Variants in CGNL1 observed in about 807,000 individuals in gnomAD.
The protein encoded by CGNL1 is cingulin like 1, also known as cingulin-like protein 1.
In CGNL1, 132 loss-of-function variants were observed where a neutral mutation model predicts 141.2. The ratio of observed to expected loss-of-function variants is 0.93; its 90% CI spans 0.81 to 1.08. The LOEUF (loss-of-function observed/expected upper bound fraction) is 1.08. Ranked by LOEUF, CGNL1 falls within the 50% of genes least tolerant of loss-of-function variation. The pLI, the probability that CGNL1 is intolerant of heterozygous loss-of-function variation, is 0.00. For synonymous variants in CGNL1, 690 were observed against 622.1 expected (o/e 1.11, Z -1.63); for missense variants, 1,870 against 1,588.6 (o/e 1.18, Z -3.01).
chr15:57,429,701 G>C (rs2063021225), intron 1 of CGNL1, among the ~76,000 whole-genome samples: 1 of 152,180 alleles, frequency 6.6e-6, no homozygotes, highest in Non-Finnish European at 1.5e-5. Flanking sequence ...AATGCTGCTT[G>C]GTTAATTAGT....
At chr15:57,506,180 A>C (rs2064099165) in intron 8 of CGNL1, among the ~76,000 whole-genome samples, 2 of 152,156 alleles carry the variant, frequency 1.3e-5, no homozygotes, top group Admixed American at 1.3e-4. Flanking sequence ...TAACGCTTGC[A>C]TTTACCCGGT....
At chr15:57,461,410 G>C (rs958511151) in intron 7 of CGNL1, among the ~76,000 whole-genome samples, 8 of 152,172 alleles carry the variant, frequency 5.3e-5, no homozygotes, top group African/African-American at 1.9e-4. Flanking sequence ...CCCCAAAGCA[G>C]TGAAATTTAC....
At chr15:57,394,388 G>T (rs2062579815) in intron 1 of CGNL1, among the ~76,000 whole-genome samples, 1 of 152,086 alleles carries the variant, frequency 6.6e-6, no homozygotes, top group African/African-American at 2.4e-5. Context: ...GCCTCCCAAA[G>T]TGCTGGGATT....
intron 1 of CGNL1, among the ~76,000 whole-genome samples, chr15:57,393,286 CAAT>C (rs1342138045): frequency 9.2e-5 from 14 of 152,322 alleles, no homozygotes; most frequent in African/African-American, 3.4e-4. Context: ...TTTATTCAGA[CAAT>C]GATAATATCG....
intron 14 of CGNL1, among the ~76,000 whole-genome samples, chr15:57,538,790 C>T (rs2032404571): frequency 6.6e-6 from 1 of 152,204 alleles, no homozygotes; most frequent in African/African-American, 2.4e-5. Context: ...GACACGTTCT[C>T]CTTCTGGGCT....
chr15:57,473,981 C>T (rs1476721592), intron 8 of CGNL1, among the ~76,000 whole-genome samples: 1 of 137,456 alleles, frequency 7.3e-6, no homozygotes, highest in Non-Finnish European at 1.5e-5. Flanking sequence ...GTGATCTTGG[C>T]TCAGTTGCAA....
At position 57,516,929 on chromosome 15, in the gene CGNL1, G is replaced by T. The variant is rs1257305688; in HGVS notation, c.2553G>T (p.Gln851His). The change falls in exon 9 of 19, where the codon CAG becomes CAT. Residue 851 changes from glutamine (Q) to histidine (H), a missense_variant. Gln to His is a conservative substitution (Grantham distance 24). Coordinates refer to ENST00000281282, the MANE Select transcript of CGNL1 (RefSeq NM_032866.5). ...LERRVAQLQRQIEDLKGDEAK... is the reference protein window; with the variant it reads ...LERRVAQLQRHIEDLKGDEAK... ...GGAGAGTTGCTCAGCTTCAAAGGCA[G>T]ATCGAGGACCTGAAAGGCGATGAAG... The T allele has an allele frequency of 4.3e-6, 7 of 1,613,988 alleles. No individual in the cohort carries two copies. The highest frequency in any genetic ancestry group is 5.1e-6 in the Non-Finnish European group (6 of 1,180,034).
At chr15:57,546,279 C>T in intron 18 of CGNL1, 40 bp downstream of exon 18, 1 of 1,524,844 alleles carries the variant, frequency 6.6e-7, no homozygotes, top group Non-Finnish European at 8.8e-7. Flanking sequence ...GGGTAATCTC[C>T]CCACAGTTGA....
At chr15:57,531,128 T>A (rs1200800725) in intron 13 of CGNL1, among the ~76,000 whole-genome samples, 1 of 152,222 alleles carries the variant, frequency 6.6e-6, no homozygotes, top group Non-Finnish European at 1.5e-5. Context: ...CACCAATTAT[T>A]ATTCTGAAGT....
intron 7 of CGNL1, among the ~76,000 whole-genome samples, chr15:57,454,234 G>C (rs1237559669): frequency 1.3e-5 from 2 of 152,044 alleles, no homozygotes; most frequent in African/African-American, 4.8e-5. Flanking sequence ...GCATAGTTTT[G>C]GAACCTACTT....
chr15:57,414,047 G>T (rs1406030778), intron 1 of CGNL1, among the ~76,000 whole-genome samples: 1 of 152,232 alleles, frequency 6.6e-6, no homozygotes, highest in Admixed American at 6.5e-5. Context: ...TATGTGAAGA[G>T]AAGGTTTACT....
At chr15:57,388,330 C>G (rs1251845721) in intron 1 of CGNL1, among the ~76,000 whole-genome samples, 1 of 152,060 alleles carries the variant, frequency 6.6e-6, no homozygotes, top group Non-Finnish European at 1.5e-5. Flanking sequence ...AAAGAAAATT[C>G]TAGGGTGGTC....
intron 1 of CGNL1, among the ~76,000 whole-genome samples, chr15:57,433,787 T>G (rs148154050): frequency 1.0e-3 from 156 of 152,298 alleles, no homozygotes; most frequent in Middle Eastern, 0.01. Context: ...GCTTGGTCAC[T>G]CTTCTGCTCT....
At chr15:57,457,595 A>C (rs188179298) in intron 7 of CGNL1, among the ~76,000 whole-genome samples, 1 of 152,322 alleles carries the variant, frequency 6.6e-6, no homozygotes, top group Admixed American at 6.5e-5. Context: ...TCACAGTTCC[A>C]TGTGGCCAGG....
Position 57,547,748 on chromosome 15 carries a change from T to C in CGNL1, c.*258T>C. ...ACTGGGGTGTTGTGAGAGATACACTTTGGTAGGCTGAGGCCCCTGTTCCAC... is the reference window on the plus strand; with the variant it reads ...ACTGGGGTGTTGTGAGAGATACACTCTGGTAGGCTGAGGCCCCTGTTCCAC... On this transcript the variant is annotated 3_prime_UTR_variant, in exon 19 of 19. Transcript: ENST00000281282. The C allele has an allele frequency of 2.3e-6, 1 of 441,116 alleles. No individual in the cohort carries two copies. The highest frequency in any genetic ancestry group is 4.0e-6 in the Non-Finnish European group (1 of 248,022). The allele number at this position is 441,116 out of a possible 1,614,324, so 27.3% of individuals were successfully genotyped here.
At chr15:57,475,323 G>A (rs917351534) in intron 8 of CGNL1, among the ~76,000 whole-genome samples, 4 of 131,910 alleles carry the variant, frequency 3.0e-5, no homozygotes, top group Admixed American at 1.5e-4. Flanking sequence ...AGGATTCCCT[G>A]TCACCTCCAC....
chr15:57,450,863 A>G (rs1161138827), intron 4 of CGNL1, among the ~76,000 whole-genome samples: 14 of 152,178 alleles, frequency 9.2e-5, no homozygotes, highest in African/African-American at 3.4e-4. Flanking sequence ...ATTTACTGAG[A>G]TTTGATTAAA....
At chr15:57,531,659 A>T in intron 13 of CGNL1, 31 bp from the exon 14 acceptor site, 2 of 1,452,236 alleles carry the variant, frequency 1.4e-6, no homozygotes, top group Non-Finnish European at 1.9e-6. Flanking sequence ...AGTGCAAGTT[A>T]AGTCAACTGT....
At chr15:57,482,078 G>A (rs57799543) in intron 8 of CGNL1, among the ~76,000 whole-genome samples, 30,052 of 151,386 alleles carry the variant, frequency 0.2, 3,670 homozygotes, top group Non-Finnish European at 0.28. Flanking sequence ...ATCTATTCAT[G>A]TCTTTTGCCC....
Sources: gnomAD v4.1 joint callset for allele counts (sites outside exome capture counted in the v4.1 genomes callset) on GRCh38, gnomAD v4.1.1 for gene constraint, MANE v1.5 for transcripts, NCBI Gene and HGNC (gene_info 2026-07-23, HGNC 2026-07-21) for gene names.